The following BMPER variants were observed in gnomAD, a reference collection of about 807,000 sequenced individuals.
The protein encoded by BMPER is BMP-binding endothelial regulator protein.
Under a neutral mutation model 87.3 loss-of-function variants are expected in BMPER, and 45 were observed. The ratio of observed to expected loss-of-function variants is 0.52; its 90% CI spans 0.41 to 0.66. The LOEUF is 0.66. Ranked by LOEUF, BMPER falls within the 30% of genes least tolerant of loss-of-function variation. The pLI is 0.00. For synonymous variants in BMPER, 326 were observed against 316.2 expected (o/e 1.03, Z -0.33); for missense variants, 784 against 867.5 (o/e 0.90, Z 1.21).
At chr7:33,948,141 T>G (rs1260162532) in intron 3 of BMPER, among the ~76,000 whole-genome samples, 4 of 152,186 alleles carry the variant, frequency 2.6e-5, no homozygotes, top group African/African-American at 9.7e-5. Flanking sequence ...TTCCTTTCTT[T>G]TAGACATGGC....
chr7:34,085,092 T>A (rs1322836488), intron 12 of BMPER, among the ~76,000 whole-genome samples: 1 of 152,106 alleles, frequency 6.6e-6, no homozygotes, highest in African/African-American at 2.4e-5. Flanking sequence ...GGATAGCAAT[T>A]AGAAGGGTTT....
chr7:33,985,371 A>G (rs1002566640), intron 6 of BMPER, among the ~76,000 whole-genome samples: 1 of 152,246 alleles, frequency 6.6e-6, no homozygotes, highest in Non-Finnish European at 1.5e-5. Context: ...TAAAAGCTAC[A>G]TAATATTTCC....
intron 11 of BMPER, among the ~76,000 whole-genome samples, chr7:34,063,192 A>G (rs1788486740): frequency 6.6e-6 from 1 of 152,198 alleles, no homozygotes; most frequent in Non-Finnish European, 1.5e-5. Context: ...AAAGTCTATC[A>G]GTGTGTTTTC....
At chr7:33,922,807 G>A (rs1045549582) in intron 2 of BMPER, among the ~76,000 whole-genome samples, 7 of 152,272 alleles carry the variant, frequency 4.6e-5, no homozygotes, top group African/African-American at 1.4e-4. Context: ...TGTTCAGGTG[G>A]GGGTTAGTAA....
At chr7:34,151,846 A>G (rs1037734362) in intron 14 of BMPER, among the ~76,000 whole-genome samples, 1 of 152,236 alleles carries the variant, frequency 6.6e-6, no homozygotes, top group Admixed American at 6.5e-5. Context: ...GTTTCATACA[A>G]CTTGGTTTTT....
At chr7:34,005,984 G>A (rs1011932242) in intron 6 of BMPER, among the ~76,000 whole-genome samples, 1 of 151,766 alleles carries the variant, frequency 6.6e-6, no homozygotes, top group Non-Finnish European at 1.5e-5. Flanking sequence ...ATAATGCCCT[G>A]GCAATTTGCT....
intron 13 of BMPER, among the ~76,000 whole-genome samples, chr7:34,099,334 C>T (rs966395014): frequency 1.3e-5 from 2 of 152,170 alleles, no homozygotes; most frequent in Admixed American, 1.3e-4. Context: ...ATCCTCACCC[C>T]CAAATTTTCT....
At chr7:34,046,186 GCAGT>G in intron 6 of BMPER, 116 bp from the exon 7 acceptor site, 2 of 916,300 alleles carry the variant, frequency 2.2e-6, no homozygotes, top group Non-Finnish European at 3.5e-6. Flanking sequence ...ATGGGCCTGA[GCAGT>G]CAGTCTAGGG....
chr7:34,045,573 G>C (rs966295728), intron 6 of BMPER, among the ~76,000 whole-genome samples: 9 of 152,182 alleles, frequency 5.9e-5, no homozygotes, highest in African/African-American at 2.2e-4. Context: ...TCTCCAAATA[G>C]GTTTCTGAGA....
intron 6 of BMPER, among the ~76,000 whole-genome samples, chr7:34,002,199 T>A (rs1184886125): frequency 6.6e-6 from 1 of 151,808 alleles, no homozygotes; most frequent in Admixed American, 6.6e-5. Context: ...GCTCAACTTA[T>A]GATTTTAGGA....
intron 5 of BMPER, among the ~76,000 whole-genome samples, chr7:33,971,405 C>T (rs950217886): frequency 2.0e-5 from 3 of 152,310 alleles, no homozygotes; most frequent in Non-Finnish European, 2.9e-5. Context: ...CCTCAGCAAC[C>T]TGGGCTGTCT....
chr7:33,927,006 C>T (rs1366317135), intron 2 of BMPER, among the ~76,000 whole-genome samples: 7 of 152,186 alleles, frequency 4.6e-5, no homozygotes, highest in South Asian at 2.1e-4. Context: ...CTTTTCATCC[C>T]GGGGGGACCT....
At chr7:33,932,479 AT>A (rs1784506202) in intron 2 of BMPER, among the ~76,000 whole-genome samples, 1 of 152,248 alleles carries the variant, frequency 6.6e-6, no homozygotes, top group South Asian at 2.1e-4. Flanking sequence ...CTTTGCTGTC[AT>A]CAGAGACAGG....
chr7:34,147,918 T>C (rs765549288), intron 14 of BMPER, among the ~76,000 whole-genome samples: 3 of 152,182 alleles, frequency 2.0e-5, no homozygotes, highest in Non-Finnish European at 2.9e-5. Flanking sequence ...AGGGCTCAGG[T>C]CAGTGTTAGT....
chr7:34,142,913 G>A (rs1216751879), intron 13 of BMPER, among the ~76,000 whole-genome samples: 3 of 152,328 alleles, frequency 2.0e-5, no homozygotes, highest in Non-Finnish European at 1.5e-5. Flanking sequence ...CATTGTGGTA[G>A]CCACATTCCA....
intron 12 of BMPER, among the ~76,000 whole-genome samples, chr7:34,081,896 T>G (rs1440115912): frequency 6.6e-6 from 1 of 152,122 alleles, no homozygotes; most frequent in Non-Finnish European, 1.5e-5. Flanking sequence ...GCACGTTCTC[T>G]CTCAGTGGAC....
intron 13 of BMPER, among the ~76,000 whole-genome samples, chr7:34,105,443 T>C (rs981335203): frequency 1.8e-4 from 27 of 152,194 alleles, no homozygotes; most frequent in African/African-American, 5.5e-4. Context: ...TAAAAGCACC[T>C]GAGGGCCTGT....
chr7:33,969,212 C>T (rs914920820), intron 4 of BMPER, among the ~76,000 whole-genome samples: 7 of 152,016 alleles, frequency 4.6e-5, no homozygotes, highest in African/African-American at 1.7e-4. Context: ...CCTGTGCCAC[C>T]CATCCCATCA....
chr7:33,907,456 TGA>T (rs1783850837), intron 2 of BMPER, among the ~76,000 whole-genome samples: 1 of 152,178 alleles, frequency 6.6e-6, no homozygotes, highest in Non-Finnish European at 1.5e-5. Context: ...TTTGGAAGCA[TGA>T]GTCGGAAAGG....
Sources: gnomAD v4.1 joint callset for allele counts (sites outside exome capture counted in the v4.1 genomes callset) on GRCh38, gnomAD v4.1.1 for gene constraint, MANE v1.5 for transcripts, NCBI Gene and HGNC (gene_info 2026-07-23, HGNC 2026-07-21) for gene names.